The following SH3BP4 variants were observed in gnomAD, a reference collection of about 807,000 sequenced individuals.
The protein encoded by SH3BP4 is SH3 domain binding protein 4.
A neutral mutation model predicts 65.5 loss-of-function variants in SH3BP4; 33 were observed. That is an observed-to-expected ratio of 0.50 (90% CI 0.38 to 0.67). The LOEUF (loss-of-function observed/expected upper bound fraction) is 0.67, where lower values mean the gene tolerates loss of function less well. Ranked by LOEUF, SH3BP4 falls within the 30% of genes least tolerant of loss-of-function variation. The probability of loss-of-function intolerance (pLI) is 0.00; values close to 1 mark genes in which losing one functional copy is unlikely to be tolerated. For missense variants in SH3BP4, 1,134 were observed against 1,261.4 expected (o/e 0.90, Z 1.53); for synonymous variants, 552 against 545.5 (o/e 1.01, Z -0.17).
At chr2:234,956,972 G>T (rs566114311) in intron 1 of SH3BP4, among the ~76,000 whole-genome samples, 1 of 152,206 alleles carries the variant, frequency 6.6e-6, no homozygotes, top group East Asian at 1.9e-4. Context: ...GCAGAGCTTC[G>T]ATTGCAGTAT....
At chr2:234,983,990 G>A (rs1363115304) in intron 1 of SH3BP4, among the ~76,000 whole-genome samples, 1 of 152,246 alleles carries the variant, frequency 6.6e-6, no homozygotes, top group Non-Finnish European at 1.5e-5. Flanking sequence ...AACATCGATA[G>A]GAAAGTCACG....
chr2:235,031,112 G>A (rs1191903787), intron 2 of SH3BP4, among the ~76,000 whole-genome samples: 1 of 152,094 alleles, frequency 6.6e-6, no homozygotes, highest in Non-Finnish European at 1.5e-5. Flanking sequence ...AGTGAGCTCA[G>A]TGGTGCCCGT....
At chr2:235,013,390 C>A (rs1375596765) in intron 2 of SH3BP4, among the ~76,000 whole-genome samples, 32 of 152,216 alleles carry the variant, frequency 2.1e-4, no homozygotes, top group Admixed American at 2.1e-3. Flanking sequence ...TGCTTCCCAG[C>A]ACTCCTGCAG....
At chr2:235,032,170 C>T (rs943904095) in intron 2 of SH3BP4, among the ~76,000 whole-genome samples, 2 of 152,186 alleles carry the variant, frequency 1.3e-5, no homozygotes, top group African/African-American at 2.4e-5. Flanking sequence ...GCGCAGTCCT[C>T]GGAGTAGCTC....
intron 1 of SH3BP4, among the ~76,000 whole-genome samples, chr2:234,955,186 C>T (rs918060380): frequency 6.6e-5 from 10 of 152,040 alleles, no homozygotes; most frequent in Non-Finnish European, 1.2e-4. Flanking sequence ...AAAAGGTCAC[C>T]GATCACTAAA....
At chr2:235,040,839 A>G (rs2106332670) in intron 3 of SH3BP4, 49 bp from the exon 4 acceptor site, 1 of 1,534,902 alleles carries the variant, frequency 6.5e-7, no homozygotes, top group African/African-American at 1.4e-5. Flanking sequence ...CTCTCCGGAC[A>G]CCCCGCCGGC....
At chr2:234,970,051 A>ACT (rs71823719) in intron 1 of SH3BP4, among the ~76,000 whole-genome samples, 7,908 of 147,770 alleles carry the variant, frequency 0.054, 604 homozygotes, top group African/African-American at 0.17. Context: ...ACTTACTCAC[A>ACT]CACACTCATA....
chr2:234,986,521 T>A (rs1317202070), intron 1 of SH3BP4, among the ~76,000 whole-genome samples: 1 of 152,230 alleles, frequency 6.6e-6, no homozygotes, highest in Non-Finnish European at 1.5e-5. Flanking sequence ...TCTTACACCC[T>A]CACTTGTCCA....
intron 2 of SH3BP4, among the ~76,000 whole-genome samples, chr2:235,025,517 C>T (rs184031945): frequency 2.6e-5 from 4 of 152,312 alleles, no homozygotes; most frequent in Non-Finnish European, 2.9e-5. Context: ...AACAGTCATC[C>T]GTGCCACAGA....
Position 235,035,183 on chromosome 2 carries a change from C to A in SH3BP4, c.118+63C>A. On this transcript the variant is annotated intron_variant, in intron 3 of 5. Coordinates refer to ENST00000392011, the MANE Select transcript of SH3BP4 (RefSeq NM_014521.3). The surrounding 1 kb of genome is among the most constrained non-coding windows in gnomAD (Gnocchi z 5.0). ...ACGTTGGGATTTTCAAGTTGGGATCCAAGAACTTTTCTGCTTTAAAGATTG... is the reference window on the plus strand; with the variant it reads ...ACGTTGGGATTTTCAAGTTGGGATCAAAGAACTTTTCTGCTTTAAAGATTG... The A allele has an allele frequency of 7.9e-7, 1 of 1,260,028 alleles. No homozygotes were observed. The highest frequency in any genetic ancestry group is 1.2e-6 in the Non-Finnish European group (1 of 860,728). The allele number at this position is 1,260,028 out of a possible 1,614,324, so 78.1% of individuals were successfully genotyped here. A position where few individuals can be genotyped will look rare whatever the true frequency, so the allele number is the denominator to read the frequency against.
At chr2:234,975,432 C>A (rs1559228615) in intron 1 of SH3BP4, among the ~76,000 whole-genome samples, 1 of 152,172 alleles carries the variant, frequency 6.6e-6, no homozygotes, top group Non-Finnish European at 1.5e-5. Context: ...GCATCTGAGT[C>A]CCATCGTCTA....
At chr2:234,960,016 C>T (rs1237687803) in intron 1 of SH3BP4, among the ~76,000 whole-genome samples, 1 of 152,196 alleles carries the variant, frequency 6.6e-6, no homozygotes, top group Non-Finnish European at 1.5e-5. Context: ...AATGCATGTA[C>T]ATTTAAGCAT....
rs755981338 is a variant in SH3BP4 at position 235,042,462 on chromosome 2, A to C, written c.1693A>C (p.Lys565Gln). ...CAAAGTGGTGCGAGGATTCCAGCTG[A>C]AGCTGGGCAAGGTGAGCCGCCTGAT... ...QAKVVRGFQL[K>Q]LGKVSRLIFP... The change falls in exon 4 of 6, where the codon AAG becomes CAG. Residue 565 changes from lysine (K) to glutamine (Q), a missense_variant. Lys to Gln is a moderately conservative substitution (Grantham distance 53). Coordinates refer to ENST00000392011, the MANE Select transcript of SH3BP4 (RefSeq NM_014521.3). The surrounding 1 kb of genome is among the most constrained non-coding windows in gnomAD (Gnocchi z 7.3). 1 of 1,614,122 alleles carries C rather than the reference A, an allele frequency of 6.2e-7. No individual in the cohort carries two copies. Among genetic ancestry groups the C allele is most frequent in the South Asian group, 1.1e-5 (1 of 91,078 alleles).
chr2:235,011,884 C>T (rs1294538329), intron 2 of SH3BP4, among the ~76,000 whole-genome samples: 1 of 152,134 alleles, frequency 6.6e-6, no homozygotes, highest in Non-Finnish European at 1.5e-5. Flanking sequence ...TGATTAGTGT[C>T]CGTTGAGCGG....
At chr2:235,016,720 A>G (rs1345424163) in intron 2 of SH3BP4, among the ~76,000 whole-genome samples, 1 of 152,236 alleles carries the variant, frequency 6.6e-6, no homozygotes, top group Non-Finnish European at 1.5e-5. Flanking sequence ...CATGTTGGCC[A>G]GGATGGTCTC....
intron 3 of SH3BP4, among the ~76,000 whole-genome samples, chr2:235,039,217 G>A (rs1363098786): frequency 1.3e-5 from 2 of 152,134 alleles, no homozygotes; most frequent in African/African-American, 4.8e-5. Context: ...GGGCTTCAAG[G>A]CCCAGGGATG....
rs1693050368 is a variant in SH3BP4 at position 234,973,283 on chromosome 2, T to C, written c.-207+21113T>C. Among the ~76,000 whole-genome samples the C allele has an allele frequency of 5.9e-5, 9 of 152,304 alleles. No homozygotes were observed. The South Asian group carries it at 1.9e-3, about 32-fold the overall frequency. On this transcript the variant is annotated intron_variant, in intron 1 of 5. Coordinates refer to ENST00000392011, the MANE Select transcript of SH3BP4 (RefSeq NM_014521.3). ...ATCCCTGGTGGGAGGTGGAAGGCCATCTTCCGGGGAAATTATTTTCAGTGC... is the reference window on the plus strand; with the variant it reads ...ATCCCTGGTGGGAGGTGGAAGGCCACCTTCCGGGGAAATTATTTTCAGTGC...
intron 1 of SH3BP4, among the ~76,000 whole-genome samples, chr2:234,961,462 G>C (rs1455117531): frequency 6.6e-6 from 1 of 152,032 alleles, no homozygotes; most frequent in African/African-American, 2.4e-5. Flanking sequence ...AGTAGAGACG[G>C]GGTTTTACCA....
chr2:235,003,437 G>A (rs982727664), intron 2 of SH3BP4, among the ~76,000 whole-genome samples: 2 of 152,362 alleles, frequency 1.3e-5, no homozygotes, highest in African/African-American at 4.8e-5. Context: ...TACAGGTCGG[G>A]GCATGAGAGC....
Sources: allele counts gnomAD v4.1 joint callset (sites outside exome capture counted in the v4.1 genomes callset), GRCh38; gene constraint gnomAD v4.1.1; non-coding constraint Gnocchi (gnomAD v3.1); transcripts MANE v1.5; gene names NCBI Gene and HGNC (gene_info 2026-07-23, HGNC 2026-07-21).